PTPRK: variants seen among roughly 807,000 people sequenced by gnomAD.
PTPRK encodes receptor-type tyrosine-protein phosphatase kappa.
Under a neutral mutation model 178.0 loss-of-function variants are expected in PTPRK, and 75 were observed. The observed-to-expected ratio is 0.42, with a 90% CI of 0.35 to 0.51. The LOEUF (loss-of-function observed/expected upper bound fraction) is 0.51. Ranked by LOEUF, PTPRK falls within the 20% of genes least tolerant of loss-of-function variation. The pLI, the probability that PTPRK is intolerant of heterozygous loss-of-function variation, is 0.02. For synonymous variants in PTPRK, 637 were observed against 620.6 expected (o/e 1.03, Z -0.39); for missense variants, 1,441 against 1,797.8 (o/e 0.80, Z 3.59).
In PTPRK at chr6:128,455,467, T is replaced by A. The variant is rs147127640; in HGVS notation, c.101-57779A>T. 1.8e-4 allele frequency among the ~76,000 whole-genome samples: 27 copies of A among 152,254 alleles called. No individual in the cohort carries two copies. The East Asian group carries it at 4.6e-3, about 26-fold the overall frequency. On this transcript the variant is annotated intron_variant, in intron 1 of 29. Coordinates refer to ENST00000368226, the MANE Select transcript of PTPRK (RefSeq NM_002844.4). ...ATTTGGAAAGACGCTCCCCTTTTAATACTGAAAACAGTTAAAATTAAAGCA... is the reference window on the plus strand; with the variant it reads ...ATTTGGAAAGACGCTCCCCTTTTAAAACTGAAAACAGTTAAAATTAAAGCA...
At chr6:128,499,499 C>T (rs1001081989) in intron 1 of PTPRK, among the ~76,000 whole-genome samples, 2 of 152,226 alleles carry the variant, frequency 1.3e-5, no homozygotes, top group African/African-American at 4.8e-5. Context: ...AGGAAACAGG[C>T]TATATAAGTT....
intron 2 of PTPRK, among the ~76,000 whole-genome samples, chr6:128,346,005 G>A (rs976635211): frequency 6.6e-6 from 1 of 152,006 alleles, no homozygotes; most frequent in Admixed American, 6.6e-5. Flanking sequence ...ATATATTTCA[G>A]GCTGTAAATG....
At chr6:128,462,254 T>C (rs1164923508) in intron 1 of PTPRK, among the ~76,000 whole-genome samples, 1 of 152,168 alleles carries the variant, frequency 6.6e-6, no homozygotes. Flanking sequence ...AGCAGCATTC[T>C]CCAATAAAAA....
chr6:128,232,066 A>G (rs1003940584), intron 5 of PTPRK: 4 of 152,236 alleles, frequency 2.6e-5, no homozygotes, highest in Non-Finnish European at 5.9e-5. Flanking sequence ...GTCTAGTACC[A>G]ACTTTTCCAT....
intron 13 of PTPRK, among the ~76,000 whole-genome samples, chr6:128,035,848 C>T (rs534506329): frequency 1.8e-4 from 27 of 152,188 alleles, no homozygotes; most frequent in Non-Finnish European, 3.8e-4. Context: ...ATCCTGAGAT[C>T]TACAGGACAG....
Position 128,141,320 on chromosome 6 carries a change from AAAT to A in PTPRK, c.1162+43109_1162+43111del, listed in dbSNP as rs531609010. On this transcript the variant is annotated intron_variant, in intron 7 of 29. Coordinates refer to ENST00000368226, the MANE Select transcript of PTPRK (RefSeq NM_002844.4). The stretch of plus-strand genomic sequence containing the variant: ...TAAAATTTCAGTACAAATTATTGAC[AAAT>A]AATAATATATTTTAACAAACACTAG... 2.1e-4 allele frequency among the ~76,000 whole-genome samples: 32 copies of A among 152,012 alleles called. No homozygotes were observed. In the East Asian group the frequency reaches 4.4e-3, roughly 21 times the overall value.
At chr6:128,034,480 T>A (rs1159578263) in intron 13 of PTPRK, among the ~76,000 whole-genome samples, 1 of 152,210 alleles carries the variant, frequency 6.6e-6, no homozygotes, top group East Asian at 1.9e-4. Flanking sequence ...CACATTTATA[T>A]CTTCATGCAG....
chr6:128,397,712 T>C (rs756951585), intron 1 of PTPRK, 24 bp from the exon 2 acceptor site: 2 of 1,610,178 alleles, frequency 1.2e-6, no homozygotes, highest in South Asian at 1.1e-5. Context: ...AGACTACTGT[T>C]ACATTCTAAA....
chr6:128,115,397 T>C (rs1791336775), intron 7 of PTPRK, among the ~76,000 whole-genome samples: 1 of 151,972 alleles, frequency 6.6e-6, no homozygotes, highest in Non-Finnish European at 1.5e-5. Flanking sequence ...CCCACACATG[T>C]CTCCTTGGTA....
rs372588249 is a variant in PTPRK, at chr6:128,183,938, C to T, written c.1162+494G>A. On this transcript the variant is annotated intron_variant, in intron 7 of 29. Coordinates refer to ENST00000368226, the MANE Select transcript of PTPRK (RefSeq NM_002844.4). ...TGGGTGTCAAGCTCCTGAGGTAATC[C>T]TCAACAACAGGACATTCTGAAGAAA... is the stretch of plus-strand genomic sequence containing the variant. 5.3e-5 allele frequency among the ~76,000 whole-genome samples: 8 copies of T among 152,230 alleles called. No homozygotes were observed. The South Asian group carries it at 1.7e-3, about 32-fold the overall frequency.
intron 7 of PTPRK, among the ~76,000 whole-genome samples, chr6:128,105,059 A>C (rs1304277594): frequency 1.3e-5 from 2 of 151,908 alleles, no homozygotes; most frequent in Admixed American, 6.6e-5. Context: ...TGATCTTTCA[A>C]ATACTTCTCT....
At chr6:128,271,409 T>C (rs1190753163) in intron 3 of PTPRK, among the ~76,000 whole-genome samples, 1 of 152,156 alleles carries the variant, frequency 6.6e-6, no homozygotes, top group African/African-American at 2.4e-5. Context: ...ATGAAAGCAC[T>C]GCAGGGAGGT....
At chr6:128,355,474 T>C (rs1310666302) in intron 2 of PTPRK, among the ~76,000 whole-genome samples, 1 of 152,200 alleles carries the variant, frequency 6.6e-6, no homozygotes, top group Non-Finnish European at 1.5e-5. Flanking sequence ...AGAGGGCCTA[T>C]TGTGTGTAAA....
At chr6:128,000,106 G>A (rs531189587) in intron 15 of PTPRK, 1 of 972,700 alleles carries the variant, frequency 1.0e-6, no homozygotes, top group Admixed American at 5.9e-5. Context: ...GTTTTAAGGG[G>A]TGTTACTTTG....
intron 1 of PTPRK, among the ~76,000 whole-genome samples, chr6:128,398,537 G>A (rs2128369760): frequency 6.6e-6 from 1 of 152,274 alleles, no homozygotes; most frequent in East Asian, 1.9e-4. Context: ...AAGAGTGAAA[G>A]TTGTCTTCCT....
intron 7 of PTPRK, among the ~76,000 whole-genome samples, chr6:128,121,217 A>T (rs1792406692): frequency 6.6e-6 from 1 of 152,042 alleles, no homozygotes; most frequent in Admixed American, 6.5e-5. Flanking sequence ...TACAGCTTAA[A>T]TTCAGAGATT....
intron 1 of PTPRK, among the ~76,000 whole-genome samples, chr6:128,455,167 G>A (rs1848245372): frequency 6.6e-6 from 1 of 152,088 alleles, no homozygotes; most frequent in East Asian, 1.9e-4. Context: ...ATGTGATTCA[G>A]ACTTTCAGTT....
chr6:128,043,652 A>G (rs75303030), intron 13 of PTPRK, among the ~76,000 whole-genome samples: 3,263 of 139,338 alleles, frequency 0.023, 105 homozygotes, highest in African/African-American at 0.08. Flanking sequence ...GCAAAAAAAA[A>G]AGAGAAAGAT....
At chr6:128,178,181 T>A (rs1414637809) in intron 7 of PTPRK, among the ~76,000 whole-genome samples, 2 of 151,930 alleles carry the variant, frequency 1.3e-5, no homozygotes, top group African/African-American at 4.8e-5. Context: ...ATTATCCCTC[T>A]CTTCTTTGGA....
Sources: allele counts gnomAD v4.1 joint callset (sites outside exome capture counted in the v4.1 genomes callset), GRCh38; gene constraint gnomAD v4.1.1; transcripts MANE v1.5; gene names NCBI Gene and HGNC (gene_info 2026-07-23, HGNC 2026-07-21).